The following RNF7 variants were observed in gnomAD, a reference collection of about 807,000 sequenced individuals.
RNF7 encodes the protein ring finger protein 7.
A neutral mutation model predicts 17.0 loss-of-function variants in RNF7; 9 were observed. The observed-to-expected ratio is 0.53, with a 90% CI of 0.32 to 0.92. The LOEUF (loss-of-function observed/expected upper bound fraction) is 0.92, where lower values mean the gene tolerates loss of function less well. Among genes scored for constraint, RNF7 ranks in the 40% least tolerant of loss-of-function variants. The pLI, the probability that RNF7 is intolerant of heterozygous loss-of-function variation, is 0.04. For synonymous variants in RNF7, 59 were observed against 50.5 expected, an observed-to-expected ratio of 1.17 and a Z score of -0.72; for missense variants, 87 against 145.8, an observed-to-expected ratio of 0.60 and a Z score of 2.08.
At chr3:141,739,304 T>C (rs2084391012) in intron 1 of RNF7, among the ~76,000 whole-genome samples, 1 of 152,238 alleles carries the variant, frequency 6.6e-6, no homozygotes, top group Admixed American at 6.5e-5. Context: ...CTCTGAGTCA[T>C]GCCTTTGTGG....
In RNF7 at chr3:141,745,423, C is replaced by A; in HGVS notation, c.*146C>A. On this transcript the variant is annotated 3_prime_UTR_variant, in exon 3 of 3. Transcript: ENST00000273480. ...TGTGGTCCTTTGGGACTCATCAAAGCCTTGGTTTAGCATTTTGTCAGTTTT... is the reference window on the plus strand; with the variant it reads ...TGTGGTCCTTTGGGACTCATCAAAGACTTGGTTTAGCATTTTGTCAGTTTT... The A allele has an allele frequency of 2.1e-6, 1 of 487,402 alleles. No individual in the cohort carries two copies. Among genetic ancestry groups the A allele is most frequent in the Non-Finnish European group, 3.8e-6 (1 of 266,548 alleles). The allele number at this position is 487,402 out of a possible 1,614,324, so 30.2% of individuals were successfully genotyped here.
chr3:141,747,403 TATTTA>T lies in RNF7; in HGVS notation c.*2131_*2135del, dbSNP rs2084485164. 6.6e-6 allele frequency: 1 copy of T among 152,276 alleles called. No individual in the cohort carries two copies. Among genetic ancestry groups the T allele is most frequent in the African/African-American group, 2.4e-5 (1 of 41,472 alleles). 9.4% of individuals were successfully genotyped at this position (152,276 alleles called of 1,614,324 possible). A position where few individuals can be genotyped will look rare whatever the true frequency, so the allele number is the denominator to read the frequency against. On this transcript the variant is annotated 3_prime_UTR_variant, in exon 3 of 3. Transcript: ENST00000273480. ...TAGAAACAAACAAGTTATCTTTCGC[TATTTA>T]ATTTTCCCTCTATGCAAATTGTGTT...
rs2084485762 is a variant in RNF7 at position 141,747,457 on chromosome 3, A to T, written c.*2180A>T. ...TTATTACAGCTGACCGCTATCAGTA[A>T]ATCTTAATTCTGTCAGTCCCATTGC... On this transcript the variant is annotated 3_prime_UTR_variant, in exon 3 of 3. Coordinates refer to ENST00000273480, the MANE Select transcript of RNF7 (RefSeq NM_014245.5). The T allele has an allele frequency of 6.6e-6, 1 of 152,220 alleles. No homozygotes were observed. Among genetic ancestry groups the T allele is most frequent in the African/African-American group, 2.4e-5 (1 of 41,458 alleles). 9.4% of individuals were successfully genotyped at this position (152,220 alleles called of 1,614,324 possible). A position where few individuals can be genotyped will look rare whatever the true frequency, so the allele number is the denominator to read the frequency against.
In RNF7 at chr3:141,744,438, A is replaced by T. The variant is rs528464024; in HGVS notation, c.224-721A>T. Reference sequence around the variant, plus strand: ...GCTCAGTTGATCAAGCAAGGGACAGATGAATCCCAAATTCGAGATTGCATT... The same window carrying T: ...GCTCAGTTGATCAAGCAAGGGACAGTTGAATCCCAAATTCGAGATTGCATT... On this transcript the variant is annotated intron_variant, in intron 2 of 2. Transcript: ENST00000273480. 2.6e-5 allele frequency among the ~76,000 whole-genome samples: 4 copies of T among 152,236 alleles called. No homozygotes were observed. The East Asian group carries it at 7.7e-4, about 29-fold the overall frequency.
In RNF7 at chr3:141,745,340, C is replaced by G; in HGVS notation, c.*63C>G. ...CCCTGGTGGATCTTGTAATCCAGTG[C>G]CCTACAAAGGCTAGAACACTACAGG... On this transcript the variant is annotated 3_prime_UTR_variant, in exon 3 of 3. Coordinates refer to ENST00000273480, the MANE Select transcript of RNF7 (RefSeq NM_014245.5). 6 of 1,101,890 alleles carry G rather than the reference C, an allele frequency of 5.4e-6. No individual in the cohort carries two copies. Among genetic ancestry groups the G allele is most frequent in the Non-Finnish European group, 8.3e-6 (6 of 723,650 alleles). 68.3% of individuals were successfully genotyped at this position (1,101,890 alleles called of 1,614,324 possible). A position where few individuals can be genotyped will look rare whatever the true frequency, so the allele number is the denominator to read the frequency against.
chr3:141,743,988 T>C (rs78477651), intron 2 of RNF7, among the ~76,000 whole-genome samples: 6,360 of 152,300 alleles, frequency 0.042, 119 homozygotes, highest in South Asian at 0.083. Context: ...GTCTCAAGTA[T>C]ATTTTTGGAA....
Position 141,738,523 on chromosome 3 carries a change from G to T in RNF7, c.175+7G>T. 1 of 1,607,392 alleles carries T rather than the reference G, an allele frequency of 6.2e-7. No homozygotes were observed. Among genetic ancestry groups the T allele is most frequent in the Non-Finnish European group, 8.5e-7 (1 of 1,175,978 alleles). On this transcript the variant is annotated splice_region_variant and intron_variant, in intron 1 of 2. Coordinates refer to ENST00000273480, the MANE Select transcript of RNF7 (RefSeq NM_014245.5). ...TGCAGGGTCCAGGTGATGGGTAAGC[G>T]CTGCACGCGAGTCCAGGGCCGCCCT...
intron 1 of RNF7, 110 bp downstream of exon 1, chr3:141,738,626 A>T: frequency 8.4e-7 from 1 of 1,189,726 alleles, no homozygotes; most frequent in Non-Finnish European, 1.1e-6. Flanking sequence ...CCTGCCTGGG[A>T]GAGTGGGTGG....
At chr3:141,741,477 C>T (rs1386071115) in intron 1 of RNF7, among the ~76,000 whole-genome samples, 1 of 152,170 alleles carries the variant, frequency 6.6e-6, no homozygotes. Flanking sequence ...AAACAAATGC[C>T]TGAGCAGAAT....
intron 1 of RNF7, among the ~76,000 whole-genome samples, chr3:141,740,997 G>T (rs1395135190): frequency 1.3e-5 from 2 of 152,104 alleles, no homozygotes; most frequent in East Asian, 3.9e-4. Flanking sequence ...ATTCAGAAAG[G>T]AGTGATGATT....
Position 141,747,451 on chromosome 3 carries a change from T to G in RNF7, c.*2174T>G, listed in dbSNP as rs1227083177. 2 of 152,254 alleles carry G rather than the reference T, an allele frequency of 1.3e-5. No homozygotes were observed. The highest frequency in any genetic ancestry group is 2.4e-5 in the African/African-American group (1 of 41,466). 9.4% of individuals were successfully genotyped at this position (152,254 alleles called of 1,614,324 possible). On this transcript the variant is annotated 3_prime_UTR_variant, in exon 3 of 3. Transcript: ENST00000273480. ...ATTGTGTTATTACAGCTGACCGCTA[T>G]CAGTAAATCTTAATTCTGTCAGTCC...
intron 1 of RNF7, 133 bp from the exon 2 acceptor site, chr3:141,743,376 T>C (rs1193695784): frequency 1.6e-6 from 1 of 609,260 alleles, no homozygotes; most frequent in East Asian, 2.8e-5. Flanking sequence ...AGTAGTTATG[T>C]TCAGATGAGA....
chr3:141,746,487 G>T lies in RNF7; in HGVS notation c.*1210G>T, dbSNP rs1401691206. 1 of 152,218 alleles carries T rather than the reference G, an allele frequency of 6.6e-6. No homozygotes were observed. The highest frequency in any genetic ancestry group is 2.4e-5 in the African/African-American group (1 of 41,520). 9.4% of individuals were successfully genotyped at this position (152,218 alleles called of 1,614,324 possible). On this transcript the variant is annotated 3_prime_UTR_variant, in exon 3 of 3. Coordinates refer to ENST00000273480, the MANE Select transcript of RNF7 (RefSeq NM_014245.5). ...AATTTGAAAGAATTCATATTCATTT[G>T]CTCTTTCATTTGACAATAATAAAAT... is the stretch of plus-strand genomic sequence containing the variant.
chr3:141,739,978 CCTGCCA>C (rs898074041), intron 1 of RNF7, among the ~76,000 whole-genome samples: 38 of 152,242 alleles, frequency 2.5e-4, no homozygotes, highest in Admixed American at 6.5e-4. Context: ...GAGCCTTGTT[CCTGCCA>C]CTGCCACTGC....
chr3:141,743,817 A>C (rs772737563), intron 2 of RNF7, among the ~76,000 whole-genome samples: 1 of 152,210 alleles, frequency 6.6e-6, no homozygotes, highest in African/African-American at 2.4e-5. Context: ...TCAAAAATTA[A>C]ATATTTTCTA....
chr3:141,740,307 T>G (rs1470927106), intron 1 of RNF7, among the ~76,000 whole-genome samples: 1 of 152,084 alleles, frequency 6.6e-6, no homozygotes, highest in Non-Finnish European at 1.5e-5. Context: ...TTTCAAAAGA[T>G]TTGTCTCCCA....
intron 1 of RNF7, chr3:141,743,001 G>C (rs2084436529): frequency 4.0e-6 from 3 of 744,094 alleles, no homozygotes; most frequent in Admixed American, 5.3e-5. Flanking sequence ...AGAAATTGAG[G>C]AAGTTATGTA....
At chr3:141,741,391 G>A (rs1191035913) in intron 1 of RNF7, among the ~76,000 whole-genome samples, 1 of 152,188 alleles carries the variant, frequency 6.6e-6, no homozygotes, top group South Asian at 2.1e-4. Flanking sequence ...TCAGGAGGCA[G>A]TGGTTGTTTT....
At position 141,738,310 on chromosome 3, in the gene RNF7, A is replaced by T; in HGVS notation, c.-32A>T. The T allele has an allele frequency of 1.4e-5, 18 of 1,306,658 alleles. No homozygotes were observed. The highest frequency in any genetic ancestry group is 1.7e-5 in the Non-Finnish European group (17 of 987,974). The allele number at this position is 1,306,658 out of a possible 1,614,324, so 80.9% of individuals were successfully genotyped here. A position where few individuals can be genotyped will look rare whatever the true frequency, so the allele number is the denominator to read the frequency against. Reference sequence around the variant, plus strand: ...CCTAGCCTTCCGCCTTCCCCAAGCCAACGTCTCCGCCGTCGGCTCCGCGGC... The same window carrying T: ...CCTAGCCTTCCGCCTTCCCCAAGCCTACGTCTCCGCCGTCGGCTCCGCGGC... On this transcript the variant is annotated 5_prime_UTR_variant, in exon 1 of 3. Transcript: ENST00000273480.
Sources: allele counts gnomAD v4.1 joint callset (sites outside exome capture counted in the v4.1 genomes callset), GRCh38; gene constraint gnomAD v4.1.1; transcripts MANE v1.5; gene names NCBI Gene and HGNC (gene_info 2026-07-23, HGNC 2026-07-21).